The following CCDC63 variants were observed in gnomAD, a reference collection of about 807,000 sequenced individuals.
The protein encoded by CCDC63 is coiled-coil domain-containing protein 63.
A neutral mutation model predicts 63.6 loss-of-function variants in CCDC63; 54 were observed. That is an observed-to-expected ratio of 0.85 (90% CI 0.68 to 1.07). The LOEUF (loss-of-function observed/expected upper bound fraction) is 1.07. CCDC63 is among the 50% of genes least tolerant of loss of function. CCDC63 has a pLI of 0.00. For missense variants in CCDC63, 637 were observed against 689.6 expected, an observed-to-expected ratio of 0.92 and a Z score of 0.86; for synonymous variants, 253 against 266.1, an observed-to-expected ratio of 0.95 and a Z score of 0.48.
chr12:110,905,235 T>G lies in CCDC63; in HGVS notation c.1546+444T>G, dbSNP rs147460390. ...CCATTGTGCCTCCAGGACCCATCCT[T>G]GGCCCCTCCCCATTTTTGTCCCCTA... On this transcript the variant is annotated intron_variant, in intron 11 of 11. Coordinates refer to ENST00000308208, the MANE Select transcript of CCDC63 (RefSeq NM_152591.3). Among the ~76,000 whole-genome samples, 157 of 152,158 alleles carry G rather than the reference T, an allele frequency of 1.0e-3. 1 individual carries two copies. Among genetic ancestry groups the G allele is most frequent in the African/African-American group, 3.6e-3 (150 of 41,524 alleles).
upstream of CCDC63, chr12:110,845,959 C>CAAAAAAAAAA (rs34690976): frequency 5.8e-4 from 56 of 95,968 alleles, no homozygotes; most frequent in South Asian, 7.1e-4. Flanking sequence ...AGTAGAAATA[C>CAAAAAAAAAA]AAAAAAAAAA....
intron 4 of CCDC63, among the ~76,000 whole-genome samples, chr12:110,862,067 C>A (rs1237668286): frequency 6.6e-6 from 1 of 152,192 alleles, no homozygotes; most frequent in East Asian, 1.9e-4. Flanking sequence ...CCCACCCCTG[C>A]TGTCTGGCAC....
chr12:110,900,394 G>A (rs1003537982), intron 10 of CCDC63, among the ~76,000 whole-genome samples: 4 of 151,990 alleles, frequency 2.6e-5, no homozygotes, highest in Admixed American at 2.0e-4. Flanking sequence ...AATAAAGCAC[G>A]GAAAAGAAAT....
intron 4 of CCDC63, 73 bp downstream of exon 4, chr12:110,858,848 G>T: frequency 7.4e-7 from 1 of 1,345,566 alleles, no homozygotes; most frequent in Non-Finnish European, 1.0e-6. Context: ...TATTCGTGAT[G>T]CCTTAGGCCA....
chr12:110,898,835 G>T, intron 9 of CCDC63, 98 bp from the exon 10 acceptor site: 1 of 892,798 alleles, frequency 1.1e-6, no homozygotes, highest in Non-Finnish European at 1.6e-6. Flanking sequence ...TCAGAGGTTT[G>T]AAAACCCGCA....
intron 9 of CCDC63, among the ~76,000 whole-genome samples, chr12:110,895,025 C>T (rs2071400941): frequency 6.6e-6 from 1 of 152,198 alleles, no homozygotes; most frequent in African/African-American, 2.4e-5. Flanking sequence ...AGCGATTCTC[C>T]TGCCTCCGCC....
intron 5 of CCDC63, among the ~76,000 whole-genome samples, chr12:110,875,903 C>T (rs866352363): frequency 3.3e-5 from 5 of 152,082 alleles, no homozygotes; most frequent in Middle Eastern, 3.4e-3. Context: ...GTCAGCCTGG[C>T]CACCATGGTG....
rs576577568 is a variant in CCDC63, at chr12:110,903,360, T to C, written c.1343-1228T>C. Among the ~76,000 whole-genome samples the C allele has an allele frequency of 2.0e-5, 3 of 152,260 alleles. No homozygotes were observed. The East Asian group carries it at 5.8e-4, about 29-fold the overall frequency. ...GATAGAATAGCAGCAGTCTGGATAG[T>C]GTGAGGTTTATTCAAAAAACATACC... On this transcript the variant is annotated intron_variant, in intron 10 of 11. Coordinates refer to ENST00000308208, the MANE Select transcript of CCDC63 (RefSeq NM_152591.3).
At chr12:110,888,964 C>G (rs988366412) in intron 8 of CCDC63, among the ~76,000 whole-genome samples, 1 of 151,912 alleles carries the variant, frequency 6.6e-6, no homozygotes, top group African/African-American at 2.4e-5. Context: ...CTCAATCTCC[C>G]TGGCTCAGGT....
chr12:110,860,142 C>T (rs920407787), intron 4 of CCDC63, among the ~76,000 whole-genome samples: 3 of 152,326 alleles, frequency 2.0e-5, no homozygotes, highest in South Asian at 4.1e-4. Context: ...TTCGCAACAG[C>T]GGGGGAGGGG....
rs982521452 is a variant in CCDC63 at position 110,864,185 on chromosome 12, C to T, written c.369+5410C>T. Reference sequence around the variant, plus strand: ...ATTACAGGCCAAGGGCCAAATCCAGCCTATCTGTTTATAGTCTTCCAGCAA... The same window carrying T: ...ATTACAGGCCAAGGGCCAAATCCAGTCTATCTGTTTATAGTCTTCCAGCAA... On this transcript the variant is annotated intron_variant, in intron 4 of 11. Transcript: ENST00000308208. 5.3e-5 allele frequency among the ~76,000 whole-genome samples: 8 copies of T among 152,344 alleles called. 1 individual carries two copies. In the South Asian group the frequency reaches 1.7e-3, roughly 32 times the overall value.
intron 8 of CCDC63, among the ~76,000 whole-genome samples, chr12:110,887,106 A>G (rs1415844992): frequency 6.6e-6 from 1 of 151,994 alleles, no homozygotes; most frequent in African/African-American, 2.4e-5. Flanking sequence ...AAAAGCTACA[A>G]AACTTTTTTT....
At chr12:110,861,087 C>T (rs1171069741) in intron 4 of CCDC63, among the ~76,000 whole-genome samples, 1 of 152,066 alleles carries the variant, frequency 6.6e-6, no homozygotes, top group Non-Finnish European at 1.5e-5. Flanking sequence ...CACTTTTAAA[C>T]AACCAGATCT....
chr12:110,896,614 G>T (rs1417106372), intron 9 of CCDC63, among the ~76,000 whole-genome samples: 1 of 152,184 alleles, frequency 6.6e-6, no homozygotes, highest in Non-Finnish European at 1.5e-5. Flanking sequence ...CTCTGAGGGA[G>T]AGGCAGGAAT....
At chr12:110,869,475 C>T (rs2071035294) in intron 4 of CCDC63, among the ~76,000 whole-genome samples, 1 of 152,166 alleles carries the variant, frequency 6.6e-6, no homozygotes, top group African/African-American at 2.4e-5. Flanking sequence ...CACTCTTCTT[C>T]AGATACTAGT....
At chr12:110,849,543 G>C (rs1196912629) in intron 1 of CCDC63, among the ~76,000 whole-genome samples, 4 of 139,628 alleles carry the variant, frequency 2.9e-5, no homozygotes, top group African/African-American at 1.1e-4. Flanking sequence ...CTGTTGCCCA[G>C]GCTAGAGTGC....
intron 9 of CCDC63, among the ~76,000 whole-genome samples, chr12:110,898,288 CAAAAAT>C (rs2071438295): frequency 6.7e-6 from 1 of 150,110 alleles, no homozygotes; most frequent in Non-Finnish European, 1.5e-5. Flanking sequence ...GACCTTGTCT[CAAAAAT>C]AAATAAATAA....
chr12:110,888,547 T>C (rs1269474171), intron 8 of CCDC63, among the ~76,000 whole-genome samples: 1 of 152,208 alleles, frequency 6.6e-6, no homozygotes, highest in Non-Finnish European at 1.5e-5. Context: ...TATGACTTTT[T>C]GGGCTCAAAT....
intron 9 of CCDC63, among the ~76,000 whole-genome samples, chr12:110,895,656 A>C (rs779675779): frequency 6.6e-6 from 1 of 152,158 alleles, no homozygotes; most frequent in Non-Finnish European, 1.5e-5. Flanking sequence ...TAGTGACTCA[A>C]CCTCTCTGAG....
Sources: allele counts gnomAD v4.1 joint callset (sites outside exome capture counted in the v4.1 genomes callset), GRCh38; gene constraint gnomAD v4.1.1; transcripts MANE v1.5; gene names NCBI Gene and HGNC (gene_info 2026-07-23, HGNC 2026-07-21).